Variants in TUT4 observed in about 807,000 individuals in gnomAD.
TUT4 encodes terminal uridylyltransferase 4.
TUT4 carries 36 observed loss-of-function variants against 192.2 expected under a neutral mutation model. The ratio of observed to expected loss-of-function variants is 0.19; its 90% CI spans 0.14 to 0.25. The LOEUF (loss-of-function observed/expected upper bound fraction) is 0.25. Ranked by LOEUF, TUT4 falls within the 10% of genes least tolerant of loss-of-function variation. TUT4 has a pLI of 1.00. For missense variants in TUT4, 1,493 were observed against 1,957.2 expected (o/e 0.76, Z 4.47); for synonymous variants, 618 against 666.0 (o/e 0.93, Z 1.11).
intron 20 of TUT4, among the ~76,000 whole-genome samples, chr1:52,454,506 A>C (rs1310571434): frequency 6.6e-6 from 1 of 152,234 alleles, no homozygotes; most frequent in Non-Finnish European, 1.5e-5. Context: ...AATGGTATTG[A>C]AACAAATGAA....
chr1:52,549,844 C>G (rs1402397082), intron 1 of TUT4, among the ~76,000 whole-genome samples: 2 of 152,054 alleles, frequency 1.3e-5, no homozygotes, highest in African/African-American at 4.8e-5. Flanking sequence ...TGGAACAAAA[C>G]AGGCACTCTA....
intron 15 of TUT4, among the ~76,000 whole-genome samples, chr1:52,466,680 A>ATT (rs1436025380): frequency 0.019 from 2,486 of 130,966 alleles, 32 homozygotes; most frequent in African/African-American, 0.03. Flanking sequence ...ATATATATAT[A>ATT]TATTTTTGAG....
intron 4 of TUT4, 68 bp from the exon 5 acceptor site, chr1:52,497,251 G>T (rs1672681959): frequency 7.0e-7 from 1 of 1,422,236 alleles, no homozygotes; most frequent in African/African-American, 1.5e-5. Context: ...CTTATATTTA[G>T]CAGGGAAAGA....
At position 52,526,307 on chromosome 1, in the gene TUT4, T is replaced by A; in HGVS notation, c.-27A>T. ...ATTTGAAAATCTGTTTCTTTCCAAT[T>A]GTGATATTATAAAATGGCAGATCTC... On this transcript the variant is annotated 5_prime_UTR_variant, in exon 2 of 30. Coordinates refer to ENST00000257177, the MANE Select transcript of TUT4 (RefSeq NM_001009881.3). 1 of 1,455,972 alleles carries A rather than the reference T, an allele frequency of 6.9e-7. No individual in the cohort carries two copies. The highest frequency in any genetic ancestry group is 2.5e-5 in the East Asian group (1 of 40,484). The allele number at this position is 1,455,972 out of a possible 1,614,324, so 90.2% of individuals were successfully genotyped here. A position where few individuals can be genotyped will look rare whatever the true frequency, so the allele number is the denominator to read the frequency against.
chr1:52,439,857 T>C (rs1176520010), intron 24 of TUT4, among the ~76,000 whole-genome samples: 6 of 151,990 alleles, frequency 3.9e-5, no homozygotes, highest in East Asian at 3.8e-4. Flanking sequence ...AGCCAAAAAG[T>C]AGAAACAACT....
At chr1:52,512,540 C>A (rs911483016) in intron 3 of TUT4, among the ~76,000 whole-genome samples, 1 of 152,194 alleles carries the variant, frequency 6.6e-6, no homozygotes, top group African/African-American at 2.4e-5. Flanking sequence ...CCAACCACTT[C>A]GTGCAAGGCA....
At chr1:52,522,987 CTTTT>C (rs748149518) in intron 2 of TUT4, among the ~76,000 whole-genome samples, 1 of 89,564 alleles carries the variant, frequency 1.1e-5, no homozygotes. Flanking sequence ...CCTTAACTAT[CTTTT>C]TTTTTTTTTT....
chr1:52,431,283 G>T lies in TUT4; in HGVS notation c.4441C>A (p.Pro1481Thr). 6.2e-7 allele frequency: 1 copy of T among 1,614,160 alleles called. No homozygotes were observed. Among genetic ancestry groups the T allele is most frequent in the East Asian group, 2.2e-5 (1 of 44,870 alleles). Reference protein sequence around the residue: ...QMPLYNFPQSPPAQYSPMHNM... With the variant: ...QMPLYNFPQSTPAQYSPMHNM... ...TGCATGGGAGAATACTGAGCTGGTGGTGACTGGGGAAAGTTATACAGTGGC... is the reference window on the plus strand; with the variant it reads ...TGCATGGGAGAATACTGAGCTGGTGTTGACTGGGGAAAGTTATACAGTGGC... The change falls in exon 28 of 30, where the codon CCA (proline) becomes ACA (threonine). Residue 1481 changes from proline (P) to threonine (T), a missense_variant. Physicochemically the swap from Pro to Thr is conservative, Grantham distance 38 (BLOSUM62 -1). This residue lies in a region of TUT4 where 351 missense variants were observed against 397.8 expected (regional missense o/e 0.88). Transcript: ENST00000257177.
intron 1 of TUT4, among the ~76,000 whole-genome samples, chr1:52,531,357 G>A (rs927163957): frequency 2.6e-5 from 4 of 151,862 alleles, no homozygotes; most frequent in African/African-American, 9.7e-5. Flanking sequence ...GGCTGGACTG[G>A]GGGGCCACAC....
chr1:52,465,704 TAG>T (rs1284012173), intron 15 of TUT4, among the ~76,000 whole-genome samples: 2 of 152,230 alleles, frequency 1.3e-5, no homozygotes, highest in Non-Finnish European at 2.9e-5. Context: ...ACAATTCATG[TAG>T]GTTTACAAAT....
intron 24 of TUT4, among the ~76,000 whole-genome samples, chr1:52,439,475 AC>A (rs1570261760): frequency 1.3e-5 from 2 of 152,220 alleles, no homozygotes; most frequent in East Asian, 3.8e-4. Context: ...TTAGTTTTGC[AC>A]TGTCACGAAG....
At chr1:52,465,837 G>A (rs1663955542) in intron 15 of TUT4, among the ~76,000 whole-genome samples, 1 of 152,018 alleles carries the variant, frequency 6.6e-6, no homozygotes, top group Non-Finnish European at 1.5e-5. Context: ...TTTCAAATAA[G>A]CTGTGGTTTA....
intron 1 of TUT4, among the ~76,000 whole-genome samples, chr1:52,548,877 T>C (rs926298004): frequency 6.6e-6 from 1 of 152,230 alleles, no homozygotes; most frequent in Non-Finnish European, 1.5e-5. Context: ...TGCTCTTCAA[T>C]GCCTTAAGCT....
chr1:52,448,780 T>C (rs1266029199), intron 20 of TUT4, among the ~76,000 whole-genome samples: 1 of 152,130 alleles, frequency 6.6e-6, no homozygotes, highest in East Asian at 1.9e-4. Context: ...TGCTAGATAT[T>C]GAAATAAACT....
chr1:52,552,413 C>CACCT (rs1689698288), intron 1 of TUT4, among the ~76,000 whole-genome samples: 1 of 152,212 alleles, frequency 6.6e-6, no homozygotes, highest in Admixed American at 6.5e-5. Context: ...TCCACACAGA[C>CACCT]ACCTCTGCCT....
intron 1 of TUT4, among the ~76,000 whole-genome samples, chr1:52,528,198 A>T (rs1442800298): frequency 6.6e-6 from 1 of 150,928 alleles, no homozygotes; most frequent in African/African-American, 2.4e-5. Flanking sequence ...AATAATAATA[A>T]TAATAATAAT....
intron 1 of TUT4, among the ~76,000 whole-genome samples, chr1:52,536,313 G>A (rs557547727): frequency 6.6e-5 from 10 of 152,220 alleles, no homozygotes; most frequent in African/African-American, 2.4e-4. Flanking sequence ...TTCAAACTAG[G>A]TTGTTATAAA....
At chr1:52,531,459 GA>G (rs1683395197) in intron 1 of TUT4, among the ~76,000 whole-genome samples, 1 of 152,054 alleles carries the variant, frequency 6.6e-6, no homozygotes, top group Admixed American at 6.6e-5. Flanking sequence ...TGAACAATCT[GA>G]TTCGTGTCAG....
chr1:52,487,272 C>T (rs1285762040), intron 9 of TUT4, among the ~76,000 whole-genome samples: 1 of 151,768 alleles, frequency 6.6e-6, no homozygotes, highest in Non-Finnish European at 1.5e-5. Flanking sequence ...AAAATGAGAA[C>T]CCATCTCTAC....
Sources: gnomAD v4.1 joint callset for allele counts (sites outside exome capture counted in the v4.1 genomes callset) on GRCh38, gnomAD v4.1.1 for gene constraint, gnomAD v4.1.1 regional missense constraint, MANE v1.5 for transcripts, NCBI Gene and HGNC (gene_info 2026-07-23, HGNC 2026-07-21) for gene names.